Variants in BIRC7 observed in about 807,000 individuals in gnomAD.
BIRC7 encodes the protein baculoviral IAP repeat containing 7.
In BIRC7, 26 loss-of-function variants were observed where a neutral mutation model predicts 33.2. The observed-to-expected ratio is 0.78, with a 90% CI of 0.57 to 1.09. BIRC7 has a LOEUF of 1.09. BIRC7 is among the 50% of genes least tolerant of loss of function. The pLI, the probability that BIRC7 is intolerant of heterozygous loss-of-function variation, is 0.00. For synonymous variants in BIRC7, 176 were observed against 171.0 expected (o/e 1.03, Z -0.23); for missense variants, 409 against 401.2 (o/e 1.02, Z -0.17).
rs753412654 is a variant in BIRC7 at position 63,238,483 on chromosome 20, C to T, written c.531+6C>T. 9.3e-6 allele frequency: 15 copies of T among 1,612,864 alleles called. No individual in the cohort carries two copies. The highest frequency in any genetic ancestry group is 2.7e-5 in the African/African-American group (2 of 75,044). On this transcript the variant is annotated splice_donor_region_variant and intron_variant, in intron 3 of 6. Transcript: ENST00000217169. The stretch of plus-strand genomic sequence containing the variant: ...CCCAGCTGCTGGGCTCCTGGGTGAG[C>T]GCCACCTCTCCTCGGGGCTCCGGGT...
intron 4 of BIRC7, 190 bp downstream of exon 4, chr20:63,238,804 TC>T: frequency 2.6e-6 from 2 of 763,658 alleles, no homozygotes; most frequent in Non-Finnish European, 4.2e-6. Flanking sequence ...GGCAGGGGCC[TC>T]CCCCAGTGCC....
intron 2 of BIRC7, 104 bp from the exon 3 acceptor site, chr20:63,238,292 G>T: frequency 6.5e-6 from 9 of 1,376,164 alleles, no homozygotes; most frequent in Non-Finnish European, 8.2e-6. Context: ...GGCACTGCAG[G>T]GTGGCGGGAG....
Position 63,236,000 on chromosome 20 carries a change from G to T in BIRC7, c.-97G>T. Reference sequence around the variant, plus strand: ...CTGCTGTCCCCAGGGTGGGCCCCGGGGGTCAGGAGCTCCAGAAGGGCCAGC... The same window carrying T: ...CTGCTGTCCCCAGGGTGGGCCCCGGTGGTCAGGAGCTCCAGAAGGGCCAGC... On this transcript the variant is annotated 5_prime_UTR_variant, in exon 1 of 7. Transcript: ENST00000217169. 7.0e-7 allele frequency: 1 copy of T among 1,421,246 alleles called. No homozygotes were observed. Among genetic ancestry groups the T allele is most frequent in the Non-Finnish European group, 9.4e-7 (1 of 1,067,600 alleles). The allele number at this position is 1,421,246 out of a possible 1,614,324, so 88.0% of individuals were successfully genotyped here.
Position 63,239,405 on chromosome 20 carries a change from C to A in BIRC7, c.697C>A (p.Pro233Thr), listed in dbSNP as rs1192402840. Reference protein sequence around the residue: ...EAQRAWWVLEPPGARDVEAQL... With the variant: ...EAQRAWWVLETPGARDVEAQL... ...CCAGAGGGCGTGGTGGGTTCTTGAG[C>A]CCCCAGGAGCCAGGGATGTGGAGGC... The change falls in exon 6 of 7, where the codon CCC (proline) becomes ACC (threonine). Residue 233 changes from proline to threonine, a missense_variant. Physicochemically the swap from Pro to Thr is conservative, Grantham distance 38 (BLOSUM62 -1). Transcript: ENST00000217169. 1 of 1,605,034 alleles carries A rather than the reference C, an allele frequency of 6.2e-7. No individual in the cohort carries two copies. Among genetic ancestry groups the A allele is most frequent in the African/African-American group, 1.3e-5 (1 of 74,992 alleles).
At position 63,239,494 on chromosome 20, in the gene BIRC7, C is replaced by T. The variant is rs1466248863; in HGVS notation, c.786C>T (p.Ile262=). Residue 262 remains isoleucine, a synonymous_variant, in exon 6 of 7, where the codon ATC becomes ATT. Coordinates refer to ENST00000217169, the MANE Select transcript of BIRC7 (RefSeq NM_139317.3). ...TGTGCCTGGACCGCGCCGTGTCCATCGTCTTTGTGCCGTGCGGCCACCTGG... is the reference window on the plus strand; with the variant it reads ...TGTGCCTGGACCGCGCCGTGTCCATTGTCTTTGTGCCGTGCGGCCACCTGG... The part of the protein sequence containing the change: ...CKVCLDRAVS[I]VFVPCGHLVC... The T allele has an allele frequency of 4.4e-6, 7 of 1,606,654 alleles. No homozygotes were observed. The highest frequency in any genetic ancestry group is 3.3e-5 in the Admixed American group (2 of 59,992).
chr20:63,238,707 G>A (rs756346268), intron 4 of BIRC7, 93 bp downstream of exon 4: 234 of 1,517,384 alleles, frequency 1.5e-4, no homozygotes, highest in Non-Finnish European at 2.0e-4. Context: ...CCAGACAGCA[G>A]GGAGAGTGAC....
chr20:63,237,297 T>C (rs2066695987), intron 1 of BIRC7, among the ~76,000 whole-genome samples: 1 of 152,174 alleles, frequency 6.6e-6, no homozygotes, highest in African/African-American at 2.4e-5. Flanking sequence ...GCAAGAGGCA[T>C]GGCAGGTGCA....
intron 4 of BIRC7, 88 bp from the exon 5 acceptor site, chr20:63,239,074 T>C (rs1397278069): frequency 2.2e-6 from 3 of 1,378,082 alleles, no homozygotes; most frequent in Non-Finnish European, 3.1e-6. Context: ...CGGCCAGAAC[T>C]GGACCCCACA....
At position 63,239,552 on chromosome 20, in the gene BIRC7, T is replaced by TG. The variant is rs1281359250; in HGVS notation, c.845dup (p.Cys282TrpfsTer58). On this transcript the variant is annotated frameshift_variant, in exon 6 of 7. Coordinates refer to ENST00000217169, the MANE Select transcript of BIRC7 (RefSeq NM_139317.3). LOFTEE classifies it low-confidence loss of function (END_TRUNC). ...TGAGTGTGCCCCCGGCCTGCAGCTG[T>TG]GCCCCATCTGCAGAGCCCCCGTCCG... The TG allele has an allele frequency of 6.2e-7, 1 of 1,602,928 alleles. No homozygotes were observed. Among genetic ancestry groups the TG allele is most frequent in the Non-Finnish European group, 8.5e-7 (1 of 1,179,674 alleles).
Position 63,239,395 on chromosome 20 carries a change from G to A in BIRC7, c.687G>A (p.Trp229Ter). The change falls in exon 6 of 7, where the codon TGG becomes TGA. Residue 229 changes from tryptophan (W) to a stop codon, truncating the protein, a stop_gained. Coordinates refer to ENST00000217169, the MANE Select transcript of BIRC7 (RefSeq NM_139317.3). LOFTEE classifies it high-confidence loss of function. ...CAGCCGAGGCCCAGAGGGCGTGGTG[G>A]GTTCTTGAGCCCCCAGGAGCCAGGG... is the stretch of plus-strand genomic sequence containing the variant. ...VSPAEAQRAW[W>*]VLEPPGARDV... 6.2e-7 allele frequency: 1 copy of A among 1,604,882 alleles called. No individual in the cohort carries two copies. Among genetic ancestry groups the A allele is most frequent in the Non-Finnish European group, 8.5e-7 (1 of 1,179,754 alleles).
intron 2 of BIRC7, 163 bp downstream of exon 2, chr20:63,238,165 T>C: frequency 1.2e-6 from 1 of 856,994 alleles, no homozygotes; most frequent in Non-Finnish European, 1.8e-6. Flanking sequence ...GTACCCACTT[T>C]TCCTGTGAGG....
intron 4 of BIRC7, chr20:63,238,879 C>T (rs2066710351): frequency 4.8e-6 from 3 of 624,918 alleles, no homozygotes; most frequent in African/African-American, 1.8e-5. Flanking sequence ...GTCGCCATAC[C>T]ACCCCCAACA....
intron 4 of BIRC7, chr20:63,238,869 G>A (rs1482111566): frequency 1.1e-5 from 7 of 628,578 alleles, no homozygotes; most frequent in Non-Finnish European, 1.7e-5. Flanking sequence ...CCCATTGCCT[G>A]TCGCCATACC....
chr20:63,239,275 A>G, intron 5 of BIRC7, 42 bp downstream of exon 5: 1 of 1,608,982 alleles, frequency 6.2e-7, no homozygotes. Context: ...GGGGCAGGGG[A>G]GGGCTGAGGG....
intron 4 of BIRC7, 158 bp downstream of exon 4, chr20:63,238,772 C>A: frequency 1.9e-6 from 2 of 1,025,982 alleles, no homozygotes; most frequent in Non-Finnish European, 2.8e-6. Flanking sequence ...GGGGCTGTGC[C>A]ATGTGAGGGT....
chr20:63,238,530 C>T (rs2066706935), intron 3 of BIRC7, 39 bp from the exon 4 acceptor site: 2 of 1,613,032 alleles, frequency 1.2e-6, no homozygotes, highest in African/African-American at 1.3e-5. Flanking sequence ...CCTGCCCCTC[C>T]TATTTCCCCA....
At chr20:63,238,526 C>A in intron 3 of BIRC7, 43 bp from the exon 4 acceptor site, 1 of 1,613,072 alleles carries the variant, frequency 6.2e-7, no homozygotes, top group South Asian at 1.1e-5. Context: ...GGGTCCTGCC[C>A]CTCCTATTTC....
chr20:63,236,260 T>C lies in BIRC7; in HGVS notation c.164T>C (p.Ile55Thr). Residue 55 changes from isoleucine to threonine, a missense_variant, in exon 1 of 7, where the codon ATC becomes ACC. Physicochemically the swap from Ile to Thr is moderately conservative, Grantham distance 89. Transcript: ENST00000217169. ...CRAWDHVDGQ[I>T]LGQLRPLTEE... Reference sequence around the variant, plus strand: ...GCCTGGGACCACGTGGATGGGCAGATCCTGGGCCAGCTGCGGCCCCTGACA... The same window carrying C: ...GCCTGGGACCACGTGGATGGGCAGACCCTGGGCCAGCTGCGGCCCCTGACA... The C allele has an allele frequency of 3.7e-6, 6 of 1,607,352 alleles. No homozygotes were observed. Among genetic ancestry groups the C allele is most frequent in the Non-Finnish European group, 5.1e-6 (6 of 1,177,226 alleles).
At position 63,239,483 on chromosome 20, in the gene BIRC7, G is replaced by A. The variant is rs763376716; in HGVS notation, c.775G>A (p.Ala259Thr). Residue 259 changes from alanine (A) to threonine (T), a missense_variant, in exon 6 of 7, where the codon GCC (alanine) becomes ACC (threonine). Coordinates refer to ENST00000217169, the MANE Select transcript of BIRC7 (RefSeq NM_139317.3). ...ERTCKVCLDR[A>T]VSIVFVPCGH... ...GACGTGCAAGGTGTGCCTGGACCGC[G>A]CCGTGTCCATCGTCTTTGTGCCGTG... 6.8e-6 allele frequency: 11 copies of A among 1,606,744 alleles called. No individual in the cohort carries two copies. The highest frequency in any genetic ancestry group is 2.2e-5 in the East Asian group (1 of 44,884).
Sources: allele counts gnomAD v4.1 joint callset (sites outside exome capture counted in the v4.1 genomes callset), GRCh38; gene constraint gnomAD v4.1.1; transcripts MANE v1.5; gene names NCBI Gene and HGNC (gene_info 2026-07-23, HGNC 2026-07-21).